ATP2C2: variants seen among roughly 807,000 people sequenced by gnomAD.
ATP2C2 encodes the protein calcium-transporting ATPase type 2C member 2.
ATP2C2 carries 171 observed loss-of-function variants against 110.8 expected under a neutral mutation model. That is an observed-to-expected ratio of 1.54 (90% CI 1.36 to 1.75). The LOEUF (loss-of-function observed/expected upper bound fraction) is 1.75. ATP2C2 is among the 40% of genes most tolerant of loss of function. ATP2C2 has a pLI of 0.00. For synonymous variants in ATP2C2, 804 were observed against 508.4 expected (o/e 1.58, Z -7.82); for missense variants, 1,963 against 1,235.0 (o/e 1.59, Z -8.84).
intron 2 of ATP2C2, among the ~76,000 whole-genome samples, chr16:84,400,082 G>A (rs963056136): frequency 1.3e-5 from 2 of 152,114 alleles, no homozygotes; most frequent in East Asian, 3.9e-4. Flanking sequence ...CCATGTTGTT[G>A]CAAATGACAG....
intron 16 of ATP2C2, among the ~76,000 whole-genome samples, chr16:84,447,209 C>A (rs976101373): frequency 1.3e-5 from 2 of 152,184 alleles, no homozygotes; most frequent in Non-Finnish European, 2.9e-5. Context: ...AGCTCCCACT[C>A]AGGGCTGTGG....
intron 21 of ATP2C2, among the ~76,000 whole-genome samples, chr16:84,455,399 C>G (rs1910702518): frequency 6.6e-6 from 1 of 152,112 alleles, no homozygotes; most frequent in Admixed American, 6.5e-5. Flanking sequence ...TGAACATCTT[C>G]CGTTTGAGGC....
At chr16:84,440,297 C>T (rs770218952) in intron 13 of ATP2C2, among the ~76,000 whole-genome samples, 1 of 152,216 alleles carries the variant, frequency 6.6e-6, no homozygotes, top group Non-Finnish European at 1.5e-5. Context: ...GCGTGCTTGG[C>T]GTAATTGGAA....
chr16:84,405,093 C>A, intron 2 of ATP2C2, 35 bp from the exon 3 acceptor site: 3 of 1,572,070 alleles, frequency 1.9e-6, no homozygotes, highest in Non-Finnish European at 2.6e-6. Context: ...CTTGCTGCGC[C>A]CATGAGTGAG....
intron 13 of ATP2C2, 32 bp from the exon 14 acceptor site, chr16:84,440,825 G>C (rs1184729236): frequency 1.3e-6 from 2 of 1,560,742 alleles, no homozygotes; most frequent in Non-Finnish European, 8.8e-7. Flanking sequence ...TTTGACTCTT[G>C]GCGAAACCCT....
intron 21 of ATP2C2, 108 bp downstream of exon 21, chr16:84,455,092 C>A: frequency 7.2e-7 from 1 of 1,382,334 alleles, no homozygotes; most frequent in Non-Finnish European, 9.9e-7. Flanking sequence ...CGCGGAGTCC[C>A]CAGGGAGAGC....
intron 2 of ATP2C2, 165 bp from the exon 3 acceptor site, chr16:84,404,963 C>T (rs1266170108): frequency 1.4e-6 from 1 of 723,164 alleles, no homozygotes; most frequent in Non-Finnish European, 2.5e-6. Flanking sequence ...CCTCTCTCTG[C>T]CCCATCTGCA....
At chr16:84,446,234 G>C in intron 15 of ATP2C2, 95 bp from the exon 16 acceptor site, 3 of 602,936 alleles carry the variant, frequency 5.0e-6, no homozygotes, top group Non-Finnish European at 7.9e-6. Context: ...ATCTGCCAGA[G>C]GTGGTTTGAA....
intron 1 of ATP2C2, among the ~76,000 whole-genome samples, chr16:84,397,257 C>G (rs547669976): frequency 6.6e-6 from 1 of 151,832 alleles, no homozygotes; most frequent in East Asian, 1.9e-4. Context: ...GCTGGGACTT[C>G]CAGAACTTGG....
intron 14 of ATP2C2, 24 bp downstream of exon 14, chr16:84,440,982 G>T: frequency 6.4e-7 from 1 of 1,566,756 alleles, no homozygotes; most frequent in Non-Finnish European, 8.8e-7. Context: ...GCGCCATGAG[G>T]GAAATAGGCA....
chr16:84,435,479 A>G (rs1028643142), intron 11 of ATP2C2, among the ~76,000 whole-genome samples: 5 of 152,184 alleles, frequency 3.3e-5, no homozygotes, highest in Non-Finnish European at 7.3e-5. Context: ...TCATGCAGCA[A>G]ATATTTACTG....
At chr16:84,410,052 C>CA (rs1331527121) in intron 4 of ATP2C2, among the ~76,000 whole-genome samples, 3 of 151,952 alleles carry the variant, frequency 2.0e-5, no homozygotes, top group Non-Finnish European at 4.4e-5. Context: ...ACAAAAAATA[C>CA]AAAAAAATTA....
rs539576897 is a variant in ATP2C2, at chr16:84,379,446, G to A, written c.99+10732G>A. On this transcript the variant is annotated intron_variant, in intron 1 of 26. Coordinates refer to ENST00000262429, the MANE Select transcript of ATP2C2 (RefSeq NM_014861.4). ...CTCCCAAAGTGTTGGGATTACAGGC[G>A]TGAGCCACTGTGCCTGGCTGATCCT... 7.2e-5 allele frequency among the ~76,000 whole-genome samples: 11 copies of A among 152,328 alleles called. No homozygotes were observed. The South Asian group carries it at 1.2e-3, about 17-fold the overall frequency.
intron 1 of ATP2C2, among the ~76,000 whole-genome samples, chr16:84,370,631 G>A (rs1293625121): frequency 2.0e-5 from 3 of 151,692 alleles, no homozygotes; most frequent in African/African-American, 7.3e-5. Flanking sequence ...TGGAAAGGAG[G>A]CGATGTGTGT....
intron 1 of ATP2C2, among the ~76,000 whole-genome samples, chr16:84,390,410 T>C (rs193156166): frequency 1.2e-3 from 177 of 152,332 alleles, no homozygotes; most frequent in African/African-American, 4.1e-3. Context: ...CTGCGCTTGT[T>C]GGGTGCAGCT....
intron 23 of ATP2C2, 164 bp downstream of exon 23, chr16:84,459,550 G>T: frequency 6.5e-7 from 1 of 1,539,004 alleles, no homozygotes; most frequent in South Asian, 1.2e-5. Context: ...GTGAGACTGG[G>T]AGTAGAAGGC....
chr16:84,383,330 A>G (rs987667355), intron 1 of ATP2C2, among the ~76,000 whole-genome samples: 6 of 152,206 alleles, frequency 3.9e-5, no homozygotes, highest in African/African-American at 1.4e-4. Context: ...CAAAGCTCTC[A>G]AATCCAGGGC....
At chr16:84,371,779 A>C (rs879781543) in intron 1 of ATP2C2, among the ~76,000 whole-genome samples, 1 of 152,160 alleles carries the variant, frequency 6.6e-6, no homozygotes, top group African/African-American at 2.4e-5. Flanking sequence ...CTTGGATCCC[A>C]ACAGACGAAT....
At chr16:84,446,558 G>T in intron 16 of ATP2C2, 128 bp downstream of exon 16, 1 of 559,530 alleles carries the variant, frequency 1.8e-6, no homozygotes. Flanking sequence ...CCAAATACAT[G>T]GAAAAACTTA....
Sources: allele counts gnomAD v4.1 joint callset (sites outside exome capture counted in the v4.1 genomes callset), GRCh38; gene constraint gnomAD v4.1.1; transcripts MANE v1.5; gene names NCBI Gene and HGNC (gene_info 2026-07-23, HGNC 2026-07-21).